The following LRP1B variants were observed in gnomAD, a reference collection of about 807,000 sequenced individuals.
The protein encoded by LRP1B is LDL receptor related protein 1B.
Under a neutral mutation model 556.6 loss-of-function variants are expected in LRP1B, and 217 were observed. That is an observed-to-expected ratio of 0.39 (90% CI 0.35 to 0.44). LRP1B has a LOEUF of 0.44. Ranked by LOEUF, LRP1B falls within the 20% of genes least tolerant of loss-of-function variation. LRP1B has a pLI of 1.00. For synonymous variants in LRP1B, 2,047 were observed against 1,865.8 expected (o/e 1.10, Z -2.50); for missense variants, 5,053 against 5,620.8 (o/e 0.90, Z 3.23).
chr2:140,694,982 C>G (rs1046233956), intron 41 of LRP1B, among the ~76,000 whole-genome samples: 2 of 151,084 alleles, frequency 1.3e-5, no homozygotes, highest in African/African-American at 4.9e-5. Context: ...ATTTCTTGTT[C>G]TTTTCATACT....
At chr2:141,665,189 C>T (rs1190757208) in intron 2 of LRP1B, among the ~76,000 whole-genome samples, 1 of 151,702 alleles carries the variant, frequency 6.6e-6, no homozygotes, top group African/African-American at 2.4e-5. Flanking sequence ...TTCCTACTGA[C>T]AAAGGTCTAA....
intron 1 of LRP1B, among the ~76,000 whole-genome samples, chr2:141,937,193 C>T (rs1700658431): frequency 1.3e-5 from 2 of 151,650 alleles, no homozygotes; most frequent in South Asian, 2.1e-4. Flanking sequence ...ATTGAGACCA[C>T]GGTGAAACCC....
intron 72 of LRP1B, among the ~76,000 whole-genome samples, chr2:140,363,466 G>C (rs1465158921): frequency 6.6e-6 from 1 of 151,112 alleles, no homozygotes; most frequent in African/African-American, 2.4e-5. Flanking sequence ...ATAGAGAATA[G>C]AAAAAAAATC....
intron 11 of LRP1B, among the ~76,000 whole-genome samples, chr2:141,047,341 G>A (rs151082649): frequency 5.9e-5 from 9 of 152,068 alleles, no homozygotes; most frequent in East Asian, 3.9e-4. Context: ...AAACAGGTAC[G>A]TTTTTATTTT....
intron 29 of LRP1B, among the ~76,000 whole-genome samples, chr2:140,842,009 T>C: frequency 6.6e-6 from 1 of 152,226 alleles, no homozygotes; most frequent in East Asian, 1.9e-4. Context: ...CTACTATTTC[T>C]CAAACTTACA....
rs1386099619 is a variant in LRP1B at position 141,247,243 on chromosome 2, G to C, written c.575C>G (p.Ser192Cys). ...EGYLMQPDNR[S>C]CKAKIEPTDR... ...TAACTTACCAATTTTAGCCTTGCAA[G>C]ATCTGTTGTCTGGCTGCATTAGGTA... Residue 192 changes from serine (S) to cysteine (C), a missense_variant, in exon 5 of 91, where the codon TCT becomes TGT. Physicochemically the swap from Ser to Cys is moderately radical, Grantham distance 112. Coordinates refer to ENST00000389484, the MANE Select transcript of LRP1B (RefSeq NM_018557.3). The C allele has an allele frequency of 6.2e-7, 1 of 1,613,730 alleles. No homozygotes were observed. Among genetic ancestry groups the C allele is most frequent in the African/African-American group, 1.3e-5 (1 of 75,026 alleles).
At chr2:140,667,182 C>T (rs78018908) in intron 41 of LRP1B, among the ~76,000 whole-genome samples, 6,348 of 152,150 alleles carry the variant, frequency 0.042, 259 homozygotes, top group East Asian at 0.17. Flanking sequence ...ACCTCCATGC[C>T]TGGGACAGAG....
At chr2:141,455,738 A>G (rs1681606239) in intron 3 of LRP1B, among the ~76,000 whole-genome samples, 1 of 152,182 alleles carries the variant, frequency 6.6e-6, no homozygotes, top group African/African-American at 2.4e-5. Flanking sequence ...ATTATTCAGT[A>G]CTCTGCTAGG....
At chr2:140,419,704 G>A (rs760197781) in intron 66 of LRP1B, among the ~76,000 whole-genome samples, 113 of 152,218 alleles carry the variant, frequency 7.4e-4, no homozygotes, top group Middle Eastern at 3.4e-3. Flanking sequence ...CTGGTTCAAA[G>A]GATAAACAAA....
At chr2:140,402,113 G>C (rs1186663307) in intron 66 of LRP1B, among the ~76,000 whole-genome samples, 1 of 152,122 alleles carries the variant, frequency 6.6e-6, no homozygotes, top group African/African-American at 2.4e-5. Context: ...ACCCAGAAAA[G>C]CAATAGCAAT....
At chr2:141,063,046 T>C (rs1699384437) in intron 7 of LRP1B, among the ~76,000 whole-genome samples, 1 of 151,874 alleles carries the variant, frequency 6.6e-6, no homozygotes, top group Admixed American at 6.6e-5. Context: ...ATTTGATTAG[T>C]ATTCACTATG....
At chr2:142,123,748 TATA>T (rs576881480) in intron 1 of LRP1B, among the ~76,000 whole-genome samples, 12 of 151,954 alleles carry the variant, frequency 7.9e-5, no homozygotes, top group South Asian at 6.2e-4. Flanking sequence ...AGGATATAGT[TATA>T]ATATTATTCA....
chr2:141,899,299 A>T (rs938967499), intron 1 of LRP1B, among the ~76,000 whole-genome samples: 1 of 152,128 alleles, frequency 6.6e-6, no homozygotes, highest in Non-Finnish European at 1.5e-5. Context: ...TTCTCGCAAC[A>T]TAAGATTTTC....
intron 2 of LRP1B, among the ~76,000 whole-genome samples, chr2:141,516,313 T>A (rs1246894850): frequency 1.3e-5 from 2 of 152,182 alleles, no homozygotes; most frequent in African/African-American, 4.8e-5. Context: ...ATATAAAATA[T>A]TGATTATGCT....
At chr2:141,856,450 G>C (rs1698053959) in intron 1 of LRP1B, among the ~76,000 whole-genome samples, 1 of 152,026 alleles carries the variant, frequency 6.6e-6, no homozygotes. Context: ...GGAAACCACT[G>C]TTCATACAAA....
chr2:142,041,986 T>C (rs1704082546), intron 1 of LRP1B, among the ~76,000 whole-genome samples: 1 of 151,494 alleles, frequency 6.6e-6, no homozygotes, highest in Non-Finnish European at 1.5e-5. Flanking sequence ...TTTTTTATTA[T>C]GGGTAAAATT....
intron 2 of LRP1B, among the ~76,000 whole-genome samples, chr2:141,567,223 C>T (rs770321623): frequency 2.4e-4 from 37 of 152,064 alleles, no homozygotes; most frequent in Admixed American, 7.2e-4. Context: ...GACCATGTTT[C>T]TAATTACTTT....
chr2:140,716,024 A>G lies in LRP1B; in HGVS notation c.5972T>C (p.Ile1991Thr). 6 of 1,610,772 alleles carry G rather than the reference A, an allele frequency of 3.7e-6. No homozygotes were observed. The highest frequency in any genetic ancestry group is 5.1e-6 in the Non-Finnish European group (6 of 1,177,580). Reference sequence around the variant, plus strand: ...TCTTGGTTGATCCAGGCCTTGGGAAATAATTACATAACGGAAAGAACCATT... The same window carrying G: ...TCTTGGTTGATCCAGGCCTTGGGAAGTAATTACATAACGGAAAGAACCATT... ...RLNGSFRYVI[I>T]SQGLDQPRSI... Residue 1991 changes from isoleucine to threonine, a missense_variant, in exon 37 of 91, where the codon ATT becomes ACT. Physicochemically the swap from Ile to Thr is moderately conservative, Grantham distance 89. This residue lies in a region of LRP1B where 3,619 missense variants were observed against 3,931.9 expected (regional missense o/e 0.92). Transcript: ENST00000389484.
At chr2:140,445,377 A>G (rs1170676924) in intron 63 of LRP1B, among the ~76,000 whole-genome samples, 1 of 152,068 alleles carries the variant, frequency 6.6e-6, no homozygotes, top group Non-Finnish European at 1.5e-5. Flanking sequence ...TCGGGCACCA[A>G]GTTTTGGGAT....
Sources: gnomAD v4.1 joint callset for allele counts (sites outside exome capture counted in the v4.1 genomes callset) on GRCh38, gnomAD v4.1.1 for gene constraint, gnomAD v4.1.1 regional missense constraint, MANE v1.5 for transcripts, NCBI Gene and HGNC (gene_info 2026-07-23, HGNC 2026-07-21) for gene names.